LARP1B: variants seen among roughly 807,000 people sequenced by gnomAD.
LARP1B encodes the protein La ribonucleoprotein 1B.
Under a neutral mutation model 114.2 loss-of-function variants are expected in LARP1B, and 76 were observed. The observed-to-expected ratio is 0.67, with a 90% CI of 0.55 to 0.81. The LOEUF (loss-of-function observed/expected upper bound fraction) is 0.81, where lower values mean the gene tolerates loss of function less well. Among genes scored for constraint, LARP1B ranks in the 30% least tolerant of loss-of-function variants. The probability of loss-of-function intolerance (pLI) is 0.00; values close to 1 mark genes in which losing one functional copy is unlikely to be tolerated. For synonymous variants in LARP1B, 345 were observed against 348.0 expected (o/e 0.99, Z 0.10); for missense variants, 1,014 against 1,075.8 (o/e 0.94, Z 0.80).
At chr4:128,138,378 AAAAG>A (rs1726380464) in intron 11 of LARP1B, among the ~76,000 whole-genome samples, 1 of 152,250 alleles carries the variant, frequency 6.6e-6, no homozygotes, top group Non-Finnish European at 1.5e-5. Flanking sequence ...AATGGAGTGG[AAAAG>A]AAAGTCTAGA....
intron 6 of LARP1B, chr4:128,220,354 G>A: frequency 1.0e-6 from 1 of 955,852 alleles, no homozygotes; most frequent in South Asian, 4.8e-5. Context: ...TTCTTGCATA[G>A]GAGGCTGATC....
chr4:128,175,447 C>G (rs575730634), intron 12 of LARP1B, among the ~76,000 whole-genome samples: 1 of 152,110 alleles, frequency 6.6e-6, no homozygotes. Flanking sequence ...TAGATTTCCT[C>G]TATTTCAGTA....
Position 128,141,943 on chromosome 4 carries a change from A to G in LARP1B, c.1524+19755A>G, listed in dbSNP as rs964835736. Among the ~76,000 whole-genome samples, 4 of 152,288 alleles carry G rather than the reference A, an allele frequency of 2.6e-5. No individual in the cohort carries two copies. In the South Asian group the frequency reaches 8.3e-4, roughly 32 times the overall value. Reference sequence around the variant, plus strand: ...GCAAGTCCTTACCTGTATTTATTTCAGATAGTGAAAGGAACTTCAGTTGTG... The same window carrying G: ...GCAAGTCCTTACCTGTATTTATTTCGGATAGTGAAAGGAACTTCAGTTGTG... On this transcript the variant is annotated intron_variant, in intron 11 of 19. Transcript: ENST00000326639.
intron 4 of LARP1B, among the ~76,000 whole-genome samples, chr4:128,078,967 C>A (rs910749378): frequency 4.6e-5 from 7 of 152,094 alleles, no homozygotes; most frequent in African/African-American, 1.4e-4. Flanking sequence ...CCATGGGAAA[C>A]CATTGAACCA....
intron 8 of LARP1B, among the ~76,000 whole-genome samples, chr4:128,102,175 A>G (rs1298007970): frequency 6.6e-6 from 1 of 152,198 alleles, no homozygotes; most frequent in Admixed American, 6.5e-5. Flanking sequence ...TGCACCTACC[A>G]TTTGTAATAG....
At chr4:128,138,058 A>C (rs1250361675) in intron 11 of LARP1B, among the ~76,000 whole-genome samples, 1 of 152,178 alleles carries the variant, frequency 6.6e-6, no homozygotes, top group Non-Finnish European at 1.5e-5. Flanking sequence ...AATCTGTTAT[A>C]GCATTGATCT....
At chr4:128,160,710 G>A (rs1160352139) in intron 11 of LARP1B, among the ~76,000 whole-genome samples, 1 of 152,214 alleles carries the variant, frequency 6.6e-6, no homozygotes, top group Non-Finnish European at 1.5e-5. Context: ...CAAGATAAAG[G>A]ACAAGAGGAG....
At chr4:128,108,571 G>A in intron 9 of LARP1B, 1 of 985,560 alleles carries the variant, frequency 1.0e-6, no homozygotes, top group Non-Finnish European at 1.2e-6. Context: ...ATGTTTCTTT[G>A]TCAGCCTTCT....
chr4:128,128,199 C>G (rs534922303), intron 11 of LARP1B, among the ~76,000 whole-genome samples: 1 of 152,238 alleles, frequency 6.6e-6, no homozygotes, highest in East Asian at 1.9e-4. Flanking sequence ...GTAAAATCTT[C>G]ATGACCTTGG....
intron 1 of LARP1B, among the ~76,000 whole-genome samples, chr4:128,068,108 C>T (rs1027644357): frequency 6.6e-6 from 1 of 152,134 alleles, no homozygotes; most frequent in Non-Finnish European, 1.5e-5. Flanking sequence ...TCTCGATCTC[C>T]TGACCTCGTG....
At chr4:128,203,070 C>T (rs528255892) in intron 17 of LARP1B, among the ~76,000 whole-genome samples, 3 of 152,068 alleles carry the variant, frequency 2.0e-5, no homozygotes, top group Admixed American at 1.3e-4. Flanking sequence ...TGGTGGCCTG[C>T]GCTTATAGCT....
At chr4:128,130,193 A>T (rs569087263) in intron 11 of LARP1B, among the ~76,000 whole-genome samples, 22 of 152,192 alleles carry the variant, frequency 1.4e-4, no homozygotes, top group African/African-American at 3.4e-4. Context: ...TCTACGAAAA[A>T]TTTTTTTAAA....
In LARP1B at chr4:128,107,323, T is replaced by G; in HGVS notation, c.988+10T>G. 6.2e-7 allele frequency: 1 copy of G among 1,613,806 alleles called. No individual in the cohort carries two copies. Among genetic ancestry groups the G allele is most frequent in the Non-Finnish European group, 8.5e-7 (1 of 1,179,854 alleles). ...TTTTGCTCACATACAGGTAACATCT[T>G]TTCTTCTAGAGCAAACGATGTAACA... On this transcript the variant is annotated intron_variant, in intron 9 of 19. Transcript: ENST00000326639.
At position 128,173,453 on chromosome 4, in the gene LARP1B, C is replaced by T. The variant is rs538125332; in HGVS notation, c.1649-3419C>T. Reference sequence around the variant, plus strand: ...TGTAGCATTTTTAATTTTTGACGTTCACTAAACACTAACAGCATAATATTG... The same window carrying T: ...TGTAGCATTTTTAATTTTTGACGTTTACTAAACACTAACAGCATAATATTG... On this transcript the variant is annotated intron_variant, in intron 12 of 19. Coordinates refer to ENST00000326639, the MANE Select transcript of LARP1B (RefSeq NM_018078.4). Among the ~76,000 whole-genome samples the T allele has an allele frequency of 2.7e-4, 41 of 152,256 alleles. No individual in the cohort carries two copies. In the East Asian group the frequency reaches 7.7e-3, roughly 29 times the overall value.
chr4:128,147,018 C>G (rs764601387), intron 11 of LARP1B, among the ~76,000 whole-genome samples: 4 of 152,166 alleles, frequency 2.6e-5, no homozygotes, highest in African/African-American at 4.8e-5. Context: ...CAGTGTCTAT[C>G]CCATTGGTTC....
intron 5 of LARP1B, 96 bp downstream of exon 5, chr4:128,082,401 G>A: frequency 9.1e-7 from 1 of 1,101,794 alleles, no homozygotes; most frequent in Non-Finnish European, 1.3e-6. Context: ...TTGAGAATAA[G>A]TTGAAGACAT....
At chr4:128,141,804 C>A (rs1262908790) in intron 11 of LARP1B, among the ~76,000 whole-genome samples, 1 of 152,168 alleles carries the variant, frequency 6.6e-6, no homozygotes, top group East Asian at 1.9e-4. Context: ...TTGACCCAGA[C>A]AGCATTCTGG....
intron 12 of LARP1B, among the ~76,000 whole-genome samples, chr4:128,170,377 CTA>C (rs933806324): frequency 3.9e-5 from 6 of 152,098 alleles, no homozygotes; most frequent in African/African-American, 9.7e-5. Context: ...TTGATGAGTT[CTA>C]TATCTTTGCT....
chr4:128,063,778 TCAAAAAAAAA>T, intron 1 of LARP1B, among the ~76,000 whole-genome samples: 1 of 151,936 alleles, frequency 6.6e-6, no homozygotes, highest in Middle Eastern at 3.4e-3. Context: ...AAACTCCGTC[TCAAAAAAAAA>T]CACAAAAAAA....
Sources: gnomAD v4.1 joint callset for allele counts (sites outside exome capture counted in the v4.1 genomes callset) on GRCh38, gnomAD v4.1.1 for gene constraint, MANE v1.5 for transcripts, NCBI Gene and HGNC (gene_info 2026-07-23, HGNC 2026-07-21) for gene names.